Variants in NCBP3 observed in about 807,000 individuals in gnomAD.
The protein encoded by NCBP3 is nuclear cap-binding protein subunit 3.
NCBP3 carries 20 observed loss-of-function variants against 75.7 expected under a neutral mutation model. The ratio of observed to expected loss-of-function variants is 0.26; its 90% confidence interval spans 0.19 to 0.38. The LOEUF (loss-of-function observed/expected upper bound fraction) is 0.38, where lower values mean the gene tolerates loss of function less well. Among genes scored for constraint, NCBP3 ranks in the 10% least tolerant of loss-of-function variants. The pLI is 1.00. For missense variants in NCBP3, 678 were observed against 796.9 expected (o/e 0.85, Z 1.80); for synonymous variants, 293 against 290.5 (o/e 1.01, Z -0.09).
chr17:3,806,048 A>T lies in NCBP3; in HGVS notation c.*6996T>A, dbSNP rs1421869249. On this transcript the variant is annotated 3_prime_UTR_variant, in exon 13 of 13. Coordinates refer to ENST00000389005, the MANE Select transcript of NCBP3 (RefSeq NM_001114118.3). The stretch of plus-strand genomic sequence containing the variant: ...ACATCACAGGATCGAACACTACCAC[A>T]AAACTCCTAGGAAGGGACAGGAAGG... 6.6e-6 allele frequency: 1 copy of T among 152,054 alleles called. No individual in the cohort carries two copies. Among genetic ancestry groups the T allele is most frequent in the Non-Finnish European group, 1.5e-5 (1 of 68,112 alleles). 9.4% of individuals were successfully genotyped at this position (152,054 alleles called of 1,614,324 possible). A position where few individuals can be genotyped will look rare whatever the true frequency, so the allele number is the denominator to read the frequency against.
chr17:3,843,041 T>G, intron 2 of NCBP3, 45 bp downstream of exon 2: 1 of 1,380,764 alleles, frequency 7.2e-7, no homozygotes. Context: ...TTCATTAAGT[T>G]CACTTGCTTA....
At chr17:3,824,191 T>C (rs2053726187) in intron 7 of NCBP3, 1 of 152,176 alleles carries the variant, frequency 6.6e-6, no homozygotes, top group Non-Finnish European at 1.5e-5. Context: ...GTTAAATTTC[T>C]TGATTTTGTT....
At chr17:3,834,073 G>A (rs936368643) in intron 3 of NCBP3, among the ~76,000 whole-genome samples, 3 of 152,174 alleles carry the variant, frequency 2.0e-5, no homozygotes, top group Non-Finnish European at 2.9e-5. Flanking sequence ...TTGCACTGCC[G>A]GTCACTAATA....
intron 2 of NCBP3, among the ~76,000 whole-genome samples, chr17:3,842,147 C>T (rs1387865394): frequency 1.3e-5 from 2 of 152,000 alleles, no homozygotes; most frequent in Non-Finnish European, 1.5e-5. Context: ...CCTATTATGC[C>T]GACACGGTGG....
chr17:3,809,551 C>CA lies in NCBP3; in HGVS notation c.*3492dup, dbSNP rs2053377292. Reference sequence around the variant, plus strand: ...TGAAACCCTGTCTCTACTAAAAATACAAAAAATTAGCCAGCGTGGTGGCAC... The same window carrying CA: ...TGAAACCCTGTCTCTACTAAAAATACAAAAAAATTAGCCAGCGTGGTGGCAC... On this transcript the variant is annotated 3_prime_UTR_variant, in exon 13 of 13. Transcript: ENST00000389005. 6.6e-6 allele frequency: 1 copy of CA among 151,996 alleles called. No individual in the cohort carries two copies. Among genetic ancestry groups the CA allele is most frequent in the Admixed American group, 6.6e-5 (1 of 15,264 alleles). The allele number at this position is 151,996 out of a possible 1,614,324, so 9.4% of individuals were successfully genotyped here. A position where few individuals can be genotyped will look rare whatever the true frequency, so the allele number is the denominator to read the frequency against.
At chr17:3,843,748 T>C (rs2054108252) in intron 1 of NCBP3, among the ~76,000 whole-genome samples, 1 of 152,146 alleles carries the variant, frequency 6.6e-6, no homozygotes, top group Non-Finnish European at 1.5e-5. Context: ...GGTTTCACCA[T>C]GTTGGCATAC....
chr17:3,827,507 T>C (rs1196272479), intron 4 of NCBP3, among the ~76,000 whole-genome samples: 1 of 152,216 alleles, frequency 6.6e-6, no homozygotes, highest in Non-Finnish European at 1.5e-5. Context: ...ATGTGCCTCT[T>C]TAAGGAAGAT....
chr17:3,819,129 G>A (rs2053611003), intron 9 of NCBP3, among the ~76,000 whole-genome samples: 2 of 152,148 alleles, frequency 1.3e-5, no homozygotes, highest in Non-Finnish European at 2.9e-5. Context: ...AGTGTTCCTA[G>A]ATGCAAGGGG....
Position 3,842,937 on chromosome 17 carries a change from C to T in NCBP3, c.249+149G>A, listed in dbSNP as rs115162532. On this transcript the variant is annotated intron_variant, in intron 2 of 12. Coordinates refer to ENST00000389005, the MANE Select transcript of NCBP3 (RefSeq NM_001114118.3). ...AGGATTACAGGCATGAGCCAGCGTG[C>T]CTGGCCAATAACACAATTTTTTTTA... 4,835 of 693,038 alleles carry T rather than the reference C, an allele frequency of 7.0e-3. 28 individuals carry two copies. Among genetic ancestry groups the T allele is most frequent in the Middle Eastern group, 0.01 (31 of 2,966 alleles). The allele number at this position is 693,038 out of a possible 1,614,324, so 42.9% of individuals were successfully genotyped here.
rs146185607 is a variant in NCBP3 at position 3,813,188 on chromosome 17, G to T, written c.1719C>A (p.Asp573Glu). Reference sequence around the variant, plus strand: ...CCCATGCCCTTTGCAGCTCAGAGTCGTCTTCCTCAGCGCCAGGCGCCCTGT... The same window carrying T: ...CCCATGCCCTTTGCAGCTCAGAGTCTTCTTCCTCAGCGCCAGGCGCCCTGT... ...VDHRAPGAEE[D>E]DSELQRAWGA... Residue 573 changes from aspartate (D) to glutamate (E), a missense_variant, in exon 13 of 13, where the codon GAC becomes GAA. Asp to Glu is a conservative substitution (Grantham distance 45). Around this residue, in one of 7 missense-constraint regions of NCBP3, gnomAD observed 365 missense variants for 392.7 expected, o/e 0.93. Coordinates refer to ENST00000389005, the MANE Select transcript of NCBP3 (RefSeq NM_001114118.3). 6.2e-7 allele frequency: 1 copy of T among 1,614,230 alleles called. No individual in the cohort carries two copies. The highest frequency in any genetic ancestry group is 1.1e-5 in the South Asian group (1 of 91,082).
Position 3,812,915 on chromosome 17 carries a change from A to G in NCBP3, c.*129T>C. The G allele has an allele frequency of 6.7e-7, 1 of 1,491,794 alleles. No homozygotes were observed. The highest frequency in any genetic ancestry group is 8.9e-7 in the Non-Finnish European group (1 of 1,124,964). The allele number at this position is 1,491,794 out of a possible 1,614,324, so 92.4% of individuals were successfully genotyped here. ...TCTTAAGATGTCTTGCCGAAGTAGC[A>G]AGAGCGGAGGGTGACTGTGTGAGCA... On this transcript the variant is annotated 3_prime_UTR_variant, in exon 13 of 13. Coordinates refer to ENST00000389005, the MANE Select transcript of NCBP3 (RefSeq NM_001114118.3).
In NCBP3 at chr17:3,803,611, G is replaced by C. The variant is rs897577136; in HGVS notation, c.*9433C>G. 6 of 152,184 alleles carry C rather than the reference G, an allele frequency of 3.9e-5. No individual in the cohort carries two copies. The highest frequency in any genetic ancestry group is 1.2e-4 in the African/African-American group (5 of 41,420). 9.4% of individuals were successfully genotyped at this position (152,184 alleles called of 1,614,324 possible). On this transcript the variant is annotated 3_prime_UTR_variant, in exon 13 of 13. Coordinates refer to ENST00000389005, the MANE Select transcript of NCBP3 (RefSeq NM_001114118.3). ...GTTCAGAGAGGATAGGAAGAAACAG[G>C]GGTGAGGGAGAAGAGGAGGGAACGA...
intron 7 of NCBP3, chr17:3,824,622 G>A (rs374219909): frequency 5.2e-6 from 1 of 190,750 alleles, no homozygotes; most frequent in South Asian, 9.3e-5. Context: ...TCAGGAGGAC[G>A]TTGCTGTAAT....
intron 3 of NCBP3, among the ~76,000 whole-genome samples, chr17:3,839,315 T>C (rs1159255769): frequency 1.3e-5 from 2 of 152,144 alleles, no homozygotes; most frequent in African/African-American, 4.8e-5. Flanking sequence ...ACTGAGTGGT[T>C]TACATATATC....
chr17:3,842,633 C>T (rs1294346602), intron 2 of NCBP3, among the ~76,000 whole-genome samples: 1 of 152,112 alleles, frequency 6.6e-6, no homozygotes, highest in Non-Finnish European at 1.5e-5. Context: ...CTGCCTGTAC[C>T]GTTTCAGGAT....
chr17:3,829,491 T>C, intron 3 of NCBP3, 123 bp from the exon 4 acceptor site: 1 of 1,100,934 alleles, frequency 9.1e-7, no homozygotes, highest in African/African-American at 1.6e-5. Flanking sequence ...TGAGAGAAAC[T>C]ATAATTATTT....
chr17:3,814,665 T>C (rs2053495218), intron 11 of NCBP3, among the ~76,000 whole-genome samples, 182 bp from the exon 12 acceptor site: 1 of 152,112 alleles, frequency 6.6e-6, no homozygotes, highest in Admixed American at 6.6e-5. Flanking sequence ...AATTCGGACA[T>C]AGGGGCTGTC....
chr17:3,843,152 C>G lies in NCBP3; in HGVS notation c.184-1G>C. Reference sequence around the variant, plus strand: ...TGTTTTCATATCTTCTGCTCGTGTCCTAACACAAAGGGGAAGGGTGAGAAA... The same window carrying G: ...TGTTTTCATATCTTCTGCTCGTGTCGTAACACAAAGGGGAAGGGTGAGAAA... On this transcript the variant is annotated splice_acceptor_variant, in intron 1 of 12. Transcript: ENST00000389005. LOFTEE classifies it high-confidence loss of function. 6.4e-7 allele frequency: 1 copy of G among 1,551,336 alleles called. No individual in the cohort carries two copies. The highest frequency in any genetic ancestry group is 1.2e-5 in the South Asian group (1 of 84,054).
At chr17:3,824,493 A>T (rs1436190937) in intron 7 of NCBP3, 1 of 156,920 alleles carries the variant, frequency 6.4e-6, no homozygotes, top group African/African-American at 2.4e-5. Flanking sequence ...ACATATATAC[A>T]CATACATACA....
Sources: gnomAD v4.1 joint callset for allele counts (sites outside exome capture counted in the v4.1 genomes callset) on GRCh38, gnomAD v4.1.1 for gene constraint, gnomAD v4.1.1 regional missense constraint, MANE v1.5 for transcripts, NCBI Gene and HGNC (gene_info 2026-07-23, HGNC 2026-07-21) for gene names.